The following CPXM2 variants were observed in gnomAD, a reference collection of about 807,000 sequenced individuals.
CPXM2 encodes inactive carboxypeptidase-like protein X2.
In CPXM2, 66 loss-of-function variants were observed where a neutral mutation model predicts 86.1. The ratio of observed to expected loss-of-function variants is 0.77; its 90% confidence interval spans 0.63 to 0.94. The LOEUF is 0.94. CPXM2 is among the 40% of genes least tolerant of loss of function. The pLI, the probability that CPXM2 is intolerant of heterozygous loss-of-function variation, is 0.00. For missense variants in CPXM2, 948 were observed against 1,026.3 expected (o/e 0.92, Z 1.04); for synonymous variants, 388 against 400.2 (o/e 0.97, Z 0.36).
At chr10:123,843,718 T>C (rs1258856131) in intron 3 of CPXM2, among the ~76,000 whole-genome samples, 1 of 152,198 alleles carries the variant, frequency 6.6e-6, no homozygotes, top group African/African-American at 2.4e-5. Context: ...CGTGAACAAC[T>C]TGGCCAAAGG....
rs71484548 is a variant in CPXM2, at chr10:123,880,828, C to CAAAAAAA, written c.305-526_305-520dup. ...TGGGTGACAGAGCGAGATTCCGTCT[C>CAAAAAAA]AAAAAAAAAAAAAAAAAAAAAAGAC... On this transcript the variant is annotated intron_variant, in intron 1 of 13. Coordinates refer to ENST00000241305, the MANE Select transcript of CPXM2 (RefSeq NM_198148.3). Among the ~76,000 whole-genome samples the CAAAAAAA allele has an allele frequency of 2.5e-3, 133 of 53,930 alleles. 4 individuals carry two copies. Among genetic ancestry groups the CAAAAAAA allele is most frequent in the African/African-American group, 4.8e-3 (62 of 12,880 alleles). 35.4% of individuals were successfully genotyped at this position (53,930 alleles called of 152,430 possible).
At chr10:123,897,321 T>C (rs972909419) in intron 2 of CPXM2, among the ~76,000 whole-genome samples, 9 of 152,194 alleles carry the variant, frequency 5.9e-5, no homozygotes, top group African/African-American at 1.7e-4. Context: ...CTGACTGATA[T>C]CATCCTCCCA....
rs552026166 is a variant in CPXM2 at position 123,791,348 on chromosome 10, C to T, written c.889+6628G>A. 1.2e-4 allele frequency among the ~76,000 whole-genome samples: 19 copies of T among 152,250 alleles called. No homozygotes were observed. In the South Asian group the frequency reaches 3.1e-3, roughly 25 times the overall value. ...AGGAGAATCGCTTGAATCCGGGAGGCGGGGGCTGCAGTGAGCCAAGATCGC... is the reference window on the plus strand; with the variant it reads ...AGGAGAATCGCTTGAATCCGGGAGGTGGGGGCTGCAGTGAGCCAAGATCGC... On this transcript the variant is annotated intron_variant, in intron 6 of 13. Coordinates refer to ENST00000241305, the MANE Select transcript of CPXM2 (RefSeq NM_198148.3).
chr10:123,792,500 C>T (rs543743204), intron 6 of CPXM2, among the ~76,000 whole-genome samples: 2 of 152,160 alleles, frequency 1.3e-5, no homozygotes, highest in African/African-American at 4.8e-5. Flanking sequence ...ATTCCGCCCA[C>T]CACCCTAACC....
At chr10:123,798,672 T>C (rs369770623) in intron 5 of CPXM2, among the ~76,000 whole-genome samples, 4 of 152,298 alleles carry the variant, frequency 2.6e-5, no homozygotes, top group African/African-American at 9.6e-5. Flanking sequence ...ATGTAAGACA[T>C]TGGATACCAT....
rs1025024658 is a variant in CPXM2 at position 123,885,582 on chromosome 10, C to G, written c.305-5273G>C. Among the ~76,000 whole-genome samples the G allele has an allele frequency of 6.6e-6, 1 of 152,196 alleles. No homozygotes were observed. Among genetic ancestry groups the G allele is most frequent in the Non-Finnish European group, 1.5e-5 (1 of 68,030 alleles). On this transcript the variant is annotated intron_variant, in intron 1 of 13. Transcript: ENST00000241305. The surrounding 1 kb of genome is among the most constrained non-coding windows in gnomAD (Gnocchi z 4.0). ...ATGCTAACCATCCTATGATGCCCAA[C>G]GAGTAGCCAGCTGGCTGCCAGCCAG... is the stretch of plus-strand genomic sequence containing the variant.
chr10:123,864,876 A>T (rs1019297451), intron 2 of CPXM2, among the ~76,000 whole-genome samples: 1 of 152,234 alleles, frequency 6.6e-6, no homozygotes, highest in South Asian at 2.1e-4. Flanking sequence ...CGACAGACAG[A>T]AGCTCTGTCA....
At chr10:123,764,178 TCA>T (rs1414262244) in intron 10 of CPXM2, among the ~76,000 whole-genome samples, 3 of 152,206 alleles carry the variant, frequency 2.0e-5, no homozygotes, top group Admixed American at 1.3e-4. Flanking sequence ...TTCAACTTTC[TCA>T]GTTATATAAT....
chr10:123,748,743 G>A (rs1221214471), intron 13 of CPXM2, among the ~76,000 whole-genome samples: 1 of 152,116 alleles, frequency 6.6e-6, no homozygotes, highest in Non-Finnish European at 1.5e-5. Context: ...TCGACAGGCT[G>A]AATTATGCCA....
At chr10:123,818,416 G>A (rs1412957503) in intron 4 of CPXM2, among the ~76,000 whole-genome samples, 1 of 152,134 alleles carries the variant, frequency 6.6e-6, no homozygotes, top group Non-Finnish European at 1.5e-5. Context: ...CATTCCTCAG[G>A]GTGATCAGCC....
chr10:123,861,263 G>A (rs926425521), intron 3 of CPXM2, among the ~76,000 whole-genome samples: 5 of 152,182 alleles, frequency 3.3e-5, no homozygotes, highest in African/African-American at 9.7e-5. Context: ...GATGGTGCAC[G>A]TGCAAAGGGG....
At chr10:123,901,439 G>A (rs1013963039) in intron 2 of CPXM2, among the ~76,000 whole-genome samples, 2 of 110,436 alleles carry the variant, frequency 1.8e-5, no homozygotes, top group East Asian at 7.2e-4. Flanking sequence ...TTGTGTGTGT[G>A]TGTGTGTGTG....
intron 2 of CPXM2, among the ~76,000 whole-genome samples, chr10:123,909,081 T>G (rs1945467409): frequency 6.6e-6 from 1 of 152,222 alleles, no homozygotes; most frequent in South Asian, 2.1e-4. Context: ...CTTTTGAAGC[T>G]GTAGGTTCAA....
intron 2 of CPXM2, among the ~76,000 whole-genome samples, chr10:123,910,786 G>T (rs571926744): frequency 6.6e-6 from 1 of 152,220 alleles, no homozygotes; most frequent in South Asian, 2.1e-4. Context: ...GGTCCTGAAG[G>T]CCAGAATTCT....
chr10:123,898,369 G>A (rs1945355050), intron 2 of CPXM2, among the ~76,000 whole-genome samples: 1 of 152,112 alleles, frequency 6.6e-6, no homozygotes, highest in Admixed American at 6.5e-5. Context: ...CAAGAAGATC[G>A]CTTAAGCCCA....
chr10:123,864,372 T>C (rs1848932292), intron 2 of CPXM2, among the ~76,000 whole-genome samples: 1 of 152,098 alleles, frequency 6.6e-6, no homozygotes, highest in African/African-American at 2.4e-5. Context: ...CCAGCTGTGG[T>C]TTCAGGGTTC....
intron 2 of CPXM2, among the ~76,000 whole-genome samples, chr10:123,921,350 C>A (rs1259574578): frequency 6.6e-6 from 1 of 152,114 alleles, no homozygotes; most frequent in Non-Finnish European, 1.5e-5. Context: ...CCTGACAGTT[C>A]TTAAAGTTCT....
intron 13 of CPXM2, chr10:123,752,170 A>G (rs1440410424): frequency 1.9e-5 from 19 of 985,434 alleles, no homozygotes; most frequent in Non-Finnish European, 2.2e-5. Flanking sequence ...ATGCATAATG[A>G]TCGCCAACAC....
chr10:123,789,038 C>T (rs1455924322), intron 6 of CPXM2, among the ~76,000 whole-genome samples: 1 of 152,120 alleles, frequency 6.6e-6, no homozygotes, highest in East Asian at 1.9e-4. Flanking sequence ...CCTCCCCAAA[C>T]CCCAACATGC....
Sources: gnomAD v4.1 joint callset for allele counts (sites outside exome capture counted in the v4.1 genomes callset) on GRCh38, gnomAD v4.1.1 for gene constraint, Gnocchi (gnomAD v3.1) non-coding constraint, MANE v1.5 for transcripts, NCBI Gene and HGNC (gene_info 2026-07-23, HGNC 2026-07-21) for gene names.